Variants in MOB1B observed in about 807,000 individuals in gnomAD.
MOB1B encodes the protein MOB kinase activator 1B.
Under a neutral mutation model 24.4 loss-of-function variants are expected in MOB1B, and 19 were observed. That is an observed-to-expected ratio of 0.78 (90% CI 0.54 to 1.14). The LOEUF (loss-of-function observed/expected upper bound fraction) is 1.14. Ranked by LOEUF, MOB1B falls within the 50% of genes most tolerant of loss-of-function variation. The pLI is 0.00. For synonymous variants in MOB1B, 76 were observed against 82.1 expected (o/e 0.93, Z 0.40); for missense variants, 243 against 259.6 (o/e 0.94, Z 0.44).
At chr4:70,971,540 G>T (rs945483649) in intron 3 of MOB1B, among the ~76,000 whole-genome samples, 30 of 151,770 alleles carry the variant, frequency 2.0e-4, no homozygotes, top group Non-Finnish European at 5.9e-5. Context: ...AAAGACATAG[G>T]TGTCTCCTAG....
rs1236324871 is a variant in MOB1B at position 70,983,181 on chromosome 4, G to A, written c.*1124G>A. On this transcript the variant is annotated 3_prime_UTR_variant, in exon 6 of 6. Transcript: ENST00000309395. The stretch of plus-strand genomic sequence containing the variant: ...ACATTAAACATGGAATTTAAGGACT[G>A]TTGGGGGAAATTGATCACTTCTTAG... 6.6e-6 allele frequency: 1 copy of A among 152,520 alleles called. No homozygotes were observed. Among genetic ancestry groups the A allele is most frequent in the African/African-American group, 2.4e-5 (1 of 41,442 alleles). The allele number at this position is 152,520 out of a possible 1,614,324, so 9.4% of individuals were successfully genotyped here.
chr4:70,975,531 C>G, intron 4 of MOB1B: 1 of 1,159,270 alleles, frequency 8.6e-7, no homozygotes, highest in Non-Finnish European at 1.1e-6. Context: ...GCTTAATTAG[C>G]TGAAAGTATA....
chr4:70,905,207 A>G (rs545281022), intron 1 of MOB1B, among the ~76,000 whole-genome samples: 128 of 151,466 alleles, frequency 8.5e-4, no homozygotes, highest in African/African-American at 3.0e-3. Context: ...TATTTCTTCT[A>G]TTTGTTATTT....
intron 1 of MOB1B, among the ~76,000 whole-genome samples, chr4:70,919,594 G>A (rs950675536): frequency 3.9e-5 from 6 of 152,106 alleles, no homozygotes; most frequent in African/African-American, 1.4e-4. Context: ...TGCCTCCCGG[G>A]TTCAAGTGAC....
At chr4:70,950,427 C>CAAA (rs34937726) in intron 1 of MOB1B, among the ~76,000 whole-genome samples, 44 of 69,714 alleles carry the variant, frequency 6.3e-4, no homozygotes, top group Non-Finnish European at 1.1e-3. Flanking sequence ...GTCTCTGTAT[C>CAAA]AAAAAAAAAA....
At chr4:70,961,211 T>G (rs990258362) in intron 2 of MOB1B, among the ~76,000 whole-genome samples, 1 of 152,232 alleles carries the variant, frequency 6.6e-6, no homozygotes, top group Non-Finnish European at 1.5e-5. Context: ...GTAAAAGTTA[T>G]GTGAATATAG....
In MOB1B at chr4:70,907,835, T is replaced by C. The variant is rs373744895; in HGVS notation, c.14+5285T>C. ...CTTAAAAAATAATTTAAAAAGAGAC[T>C]GGGTGTTACTGTGTTGCCCGGGCTG... On this transcript the variant is annotated intron_variant, in intron 1 of 5. Coordinates refer to ENST00000309395, the MANE Select transcript of MOB1B (RefSeq NM_173468.4). Among the ~76,000 whole-genome samples the C allele has an allele frequency of 1.1e-4, 17 of 152,098 alleles. 1 individual carries two copies. Among genetic ancestry groups the C allele is most frequent in the African/African-American group, 4.1e-4 (17 of 41,492 alleles).
chr4:70,935,882 C>G (rs1385110684), intron 1 of MOB1B, among the ~76,000 whole-genome samples: 1 of 123,442 alleles, frequency 8.1e-6, no homozygotes. Flanking sequence ...GACGGAGTCT[C>G]GCTCTGTTGC....
intron 1 of MOB1B, among the ~76,000 whole-genome samples, chr4:70,952,965 T>C (rs373639985): frequency 2.8e-5 from 4 of 144,246 alleles, no homozygotes; most frequent in African/African-American, 5.2e-5. Context: ...TTTTTTGAGT[T>C]GGAGTCTCGC....
chr4:70,972,448 A>G (rs1738796679), intron 3 of MOB1B, among the ~76,000 whole-genome samples: 1 of 152,022 alleles, frequency 6.6e-6, no homozygotes, highest in African/African-American at 2.4e-5. Flanking sequence ...TCCTGACCTC[A>G]AGTGATCTGC....
chr4:70,942,789 C>T, intron 1 of MOB1B: 1 of 850,642 alleles, frequency 1.2e-6, no homozygotes, highest in South Asian at 5.4e-5. Flanking sequence ...TCCCTGAATT[C>T]CTGTATGCAA....
At position 70,956,482 on chromosome 4, in the gene MOB1B, A is replaced by G. The variant is rs183637796; in HGVS notation, c.15-2392A>G. 3.9e-5 allele frequency among the ~76,000 whole-genome samples: 6 copies of G among 152,028 alleles called. No individual in the cohort carries two copies. In the East Asian group the frequency reaches 1.2e-3, roughly 29 times the overall value. Reference sequence around the variant, plus strand: ...GTTTTGCTCTATCACCCAGGCTGGAAAGCAGTGGCGTGATCTTGGTTCACT... The same window carrying G: ...GTTTTGCTCTATCACCCAGGCTGGAGAGCAGTGGCGTGATCTTGGTTCACT... On this transcript the variant is annotated intron_variant, in intron 1 of 5. Transcript: ENST00000309395.
intron 1 of MOB1B, among the ~76,000 whole-genome samples, chr4:70,955,165 G>C (rs892639961): frequency 6.6e-6 from 1 of 152,110 alleles, no homozygotes; most frequent in African/African-American, 2.4e-5. Context: ...TAAAACGTCG[G>C]GGCAGAGTGG....
At chr4:70,974,581 G>A (rs1021016803) in intron 3 of MOB1B, among the ~76,000 whole-genome samples, 1 of 152,102 alleles carries the variant, frequency 6.6e-6, no homozygotes, top group African/African-American at 2.4e-5. Context: ...GTGGTGTTCT[G>A]CTAATACCAA....
At chr4:70,942,775 C>A in intron 1 of MOB1B, 1 of 674,672 alleles carries the variant, frequency 1.5e-6, no homozygotes, top group Non-Finnish European at 1.8e-6. Context: ...CAGGTTTTAG[C>A]CCCTCCCTGA....
At chr4:70,967,658 T>C (rs1315838235) in intron 2 of MOB1B, among the ~76,000 whole-genome samples, 3 of 151,406 alleles carry the variant, frequency 2.0e-5, no homozygotes, top group Non-Finnish European at 4.4e-5. Context: ...TGGGTTAATA[T>C]AAAATTATGA....
At chr4:70,946,081 GTTCTTTTTTTT>G (rs1737567388) in intron 1 of MOB1B, among the ~76,000 whole-genome samples, 1 of 85,186 alleles carries the variant, frequency 1.2e-5, no homozygotes, top group Admixed American at 1.4e-4. Context: ...GTTTTTGTTT[GTTCTTTTTTTT>G]TTTTTTTTTT....
rs373077745 is a variant in MOB1B at position 70,907,173 on chromosome 4, CTACT to C, written c.14+4629_14+4632del. On this transcript the variant is annotated intron_variant, in intron 1 of 5. Coordinates refer to ENST00000309395, the MANE Select transcript of MOB1B (RefSeq NM_173468.4). ...AGCAGGGGTCTATTAGTAACATGGCCTACTTACTTCTTTTTGCTAAAGGGGCAAA... is the reference window on the plus strand; with the variant it reads ...AGCAGGGGTCTATTAGTAACATGGCCTACTTCTTTTTGCTAAAGGGGCAAA... 6.6e-5 allele frequency among the ~76,000 whole-genome samples: 10 copies of C among 152,250 alleles called. No homozygotes were observed. The South Asian group carries it at 8.3e-4, about 13-fold the overall frequency.
chr4:70,970,398 A>G lies in MOB1B; in HGVS notation c.275+374A>G, dbSNP rs546633960. On this transcript the variant is annotated intron_variant, in intron 3 of 5. Coordinates refer to ENST00000309395, the MANE Select transcript of MOB1B (RefSeq NM_173468.4). ...TACTGATCTTCAATTCTATTATCAA[A>G]TATTTCTCTGTCAAAGCCTTCTGAT... Among the ~76,000 whole-genome samples, 70 of 152,270 alleles carry G rather than the reference A, an allele frequency of 4.6e-4. 3 individuals carry two copies. The South Asian group carries it at 0.013, about 29-fold the overall frequency.
Sources: gnomAD v4.1 joint callset for allele counts (sites outside exome capture counted in the v4.1 genomes callset) on GRCh38, gnomAD v4.1.1 for gene constraint, MANE v1.5 for transcripts, NCBI Gene and HGNC (gene_info 2026-07-23, HGNC 2026-07-21) for gene names.